The following VIPAS39 variants were observed in gnomAD, a reference collection of about 807,000 sequenced individuals.
The protein encoded by VIPAS39 is VPS33B interacting protein, apical-basolateral polarity regulator, spe-39 homolog.
A neutral mutation model predicts 84.7 loss-of-function variants in VIPAS39; 63 were observed. That is an observed-to-expected ratio of 0.74 (90% CI 0.61 to 0.92). The LOEUF is 0.92. Ranked by LOEUF, VIPAS39 falls within the 40% of genes least tolerant of loss-of-function variation. The probability of loss-of-function intolerance (pLI) is 0.00; values close to 1 mark genes in which losing one functional copy is unlikely to be tolerated. For synonymous variants in VIPAS39, 192 were observed against 216.5 expected, an observed-to-expected ratio of 0.89 and a Z score of 0.99; for missense variants, 499 against 604.5, an observed-to-expected ratio of 0.83 and a Z score of 1.83.
chr14:77,444,957 T>G (rs2078764130), intron 7 of VIPAS39, among the ~76,000 whole-genome samples: 2 of 136,490 alleles, frequency 1.5e-5, no homozygotes. Flanking sequence ...AGTATATAGT[T>G]CAGTGATTTT....
intron 3 of VIPAS39, among the ~76,000 whole-genome samples, chr14:77,452,608 C>T (rs1027214801): frequency 1.3e-4 from 20 of 151,790 alleles, no homozygotes; most frequent in African/African-American, 4.6e-4. Context: ...GGTAAAACTC[C>T]ATCTCTACTA....
At chr14:77,429,845 C>G (rs2078492408) in intron 16 of VIPAS39, 78 bp from the exon 17 acceptor site, 1 of 1,298,506 alleles carries the variant, frequency 7.7e-7, no homozygotes. Flanking sequence ...GTTTTACGAT[C>G]AGACCAGAAT....
intron 1 of VIPAS39, 54 bp from the exon 2 acceptor site, chr14:77,454,156 T>A: frequency 6.5e-7 from 1 of 1,541,116 alleles, no homozygotes; most frequent in Non-Finnish European, 9.0e-7. Flanking sequence ...CCCTAAAGAG[T>A]TCCAAAAGCT....
chr14:77,448,675 G>A (rs2078836138), intron 6 of VIPAS39, 125 bp from the exon 7 acceptor site: 2 of 1,050,138 alleles, frequency 1.9e-6, no homozygotes, highest in Non-Finnish European at 2.9e-6. Flanking sequence ...GGGAATGGAT[G>A]TGAAAAAAAT....
At chr14:77,442,439 A>G (rs1320055563) in intron 10 of VIPAS39, 121 bp downstream of exon 10, 2 of 858,910 alleles carry the variant, frequency 2.3e-6, no homozygotes, top group East Asian at 4.8e-5. Context: ...ACACTTCAAT[A>G]GCTTGTCTTC....
intron 19 of VIPAS39, among the ~76,000 whole-genome samples, chr14:77,427,974 CCAGGTAGCTAA>C (rs1425594803): frequency 6.6e-6 from 1 of 152,170 alleles, no homozygotes; most frequent in East Asian, 1.9e-4. Flanking sequence ...GCTGTGCTCC[CCAGGTAGCTAA>C]CATCTATTTC....
rs994900122 is a variant in VIPAS39 at position 77,457,586 on chromosome 14, G to A, written c.-92C>T. ...TATTCAGGCTGTGCAGCTTAGAGAA[G>A]GGGGCGGAAGGGAATAATCGTAGGG... On this transcript the variant is annotated 5_prime_UTR_variant, in exon 1 of 20. Transcript: ENST00000557658. The A allele has an allele frequency of 6.1e-5, 35 of 570,104 alleles. No individual in the cohort carries two copies. Among genetic ancestry groups the A allele is most frequent in the Non-Finnish European group, 9.3e-5 (30 of 321,448 alleles). The allele number at this position is 570,104 out of a possible 1,614,324, so 35.3% of individuals were successfully genotyped here.
Position 77,448,579 on chromosome 14 carries a change from G to A in VIPAS39, c.448-29C>T, listed in dbSNP as rs769915808. On this transcript the variant is annotated intron_variant, in intron 6 of 19. Coordinates refer to ENST00000557658, the MANE Select transcript of VIPAS39 (RefSeq NM_001193315.2). ...GAATATTAGCAATACGTGAATCCCA[G>A]GAAGTTAAGGAATCAAATTTATCAG... 4 of 1,612,410 alleles carry A rather than the reference G, an allele frequency of 2.5e-6. No homozygotes were observed. The African/African-American group carries it at 5.3e-5, about 22-fold the overall frequency.
intron 17 of VIPAS39, 106 bp downstream of exon 17, chr14:77,429,575 T>C: frequency 8.4e-7 from 1 of 1,194,724 alleles, no homozygotes; most frequent in South Asian, 1.2e-5. Context: ...GTGCTGCCTT[T>C]AAGGGAAAAC....
chr14:77,449,213 T>G, intron 6 of VIPAS39, 80 bp downstream of exon 6: 2 of 1,456,414 alleles, frequency 1.4e-6, no homozygotes, highest in Non-Finnish European at 1.9e-6. Context: ...CTCAAATAGT[T>G]GGGAAAATCA....
In VIPAS39 at chr14:77,428,565, C is replaced by A; in HGVS notation, c.1357-91G>T. 5.7e-6 allele frequency: 6 copies of A among 1,057,638 alleles called. No individual in the cohort carries two copies. The South Asian group carries it at 6.5e-5, about 12-fold the overall frequency. 65.5% of individuals were successfully genotyped at this position (1,057,638 alleles called of 1,614,324 possible). Reference sequence around the variant, plus strand: ...ATGGTCTCAAACTCCTGGGCTCAAGCAATCCTCTCTCCTTAGGCTCCTGAG... The same window carrying A: ...ATGGTCTCAAACTCCTGGGCTCAAGAAATCCTCTCTCCTTAGGCTCCTGAG... On this transcript the variant is annotated intron_variant, in intron 18 of 19. Coordinates refer to ENST00000557658, the MANE Select transcript of VIPAS39 (RefSeq NM_001193315.2).
chr14:77,429,260 G>A (rs942165556), intron 17 of VIPAS39, among the ~76,000 whole-genome samples, 165 bp from the exon 18 acceptor site: 6 of 152,172 alleles, frequency 3.9e-5, no homozygotes, highest in African/African-American at 9.7e-5. Flanking sequence ...ATGAGGTAAC[G>A]CTACACAGTA....
At chr14:77,441,442 G>T (rs2078702124) in intron 10 of VIPAS39, among the ~76,000 whole-genome samples, 2 of 151,310 alleles carry the variant, frequency 1.3e-5, no homozygotes, top group Non-Finnish European at 2.9e-5. Flanking sequence ...TTTCTATATT[G>T]TTCTTTACTG....
intron 7 of VIPAS39, among the ~76,000 whole-genome samples, chr14:77,446,136 T>A (rs952667641): frequency 6.6e-6 from 1 of 152,162 alleles, no homozygotes; most frequent in Non-Finnish European, 1.5e-5. Context: ...GCTTTTTGTG[T>A]CCTAGGTAAT....
At chr14:77,441,294 G>A (rs2139814330) in intron 10 of VIPAS39, 1 of 567,284 alleles carries the variant, frequency 1.8e-6, no homozygotes, top group Non-Finnish European at 3.2e-6. Context: ...GGTACTGCAA[G>A]GAACTAATAA....
At chr14:77,427,788 T>C (rs1470200099) in intron 19 of VIPAS39, 152 bp from the exon 20 acceptor site, 1 of 950,166 alleles carries the variant, frequency 1.1e-6, no homozygotes, top group African/African-American at 1.6e-5. Flanking sequence ...GTTGAGAAAT[T>C]TTTTAAAATA....
chr14:77,438,289 C>A (rs928223644), intron 11 of VIPAS39, among the ~76,000 whole-genome samples: 6 of 148,798 alleles, frequency 4.0e-5, no homozygotes, highest in Non-Finnish European at 7.4e-5. Context: ...AGTGCAATGG[C>A]ACAATCTCAG....
chr14:77,432,974 C>CA (rs2078547136), intron 16 of VIPAS39, among the ~76,000 whole-genome samples: 1 of 151,486 alleles, frequency 6.6e-6, no homozygotes, highest in Non-Finnish European at 1.5e-5. Flanking sequence ...ATATGTAGAT[C>CA]AAAACATTAT....
At chr14:77,445,366 A>G (rs2078772110) in intron 7 of VIPAS39, among the ~76,000 whole-genome samples, 1 of 151,990 alleles carries the variant, frequency 6.6e-6, no homozygotes, top group Admixed American at 6.6e-5. Flanking sequence ...TGTCTGGTCA[A>G]CTCTTGTGCC....
Sources: allele counts gnomAD v4.1 joint callset (sites outside exome capture counted in the v4.1 genomes callset), GRCh38; gene constraint gnomAD v4.1.1; transcripts MANE v1.5; gene names NCBI Gene and HGNC (gene_info 2026-07-23, HGNC 2026-07-21).